The following RTBDN variants were observed in gnomAD, a reference collection of about 807,000 sequenced individuals.
The protein encoded by RTBDN is retbindin.
Under a neutral mutation model 21.9 loss-of-function variants are expected in RTBDN, and 24 were observed. The ratio of observed to expected loss-of-function variants is 1.10; its 90% confidence interval spans 0.79 to 1.54. The LOEUF is 1.54. Among genes scored for constraint, RTBDN ranks in the 40% most tolerant of loss-of-function variants. The pLI is 0.00. For synonymous variants in RTBDN, 141 were observed against 125.9 expected (o/e 1.12, Z -0.80); for missense variants, 325 against 315.2 (o/e 1.03, Z -0.23).
At chr19:12,835,078 C>T (rs1969709297), upstream of RTBDN, 1 of 1,612,488 alleles carries the variant, frequency 6.2e-7, no homozygotes, top group African/African-American at 1.3e-5. Context: ...GATTCAAACC[C>T]TCACCTAGGG....
chr19:12,826,511 TG>T (rs770374548), intron 5 of RTBDN: 42 of 817,644 alleles, frequency 5.1e-5, no homozygotes, highest in Non-Finnish European at 6.5e-5. Context: ...CTGGCCAACA[TG>T]GTGAAACGCT....
rs1205505199 is a variant in RTBDN, at chr19:12,825,920, C to T, written c.476G>A (p.Gly159Glu). The stretch of plus-strand genomic sequence containing the variant: ...CAGAGCCGAGCGACAAAGGTCCGTC[C>T]CGTCTGCGAAGGTCTAGGAAAAAGT... ...CLTYGQTFAD[G>E]TDLCRSALGH... Residue 159 changes from glycine to glutamate, a missense_variant, in exon 6 of 6, where the codon GGG becomes GAG. By Grantham distance (98) the Gly-to-Glu change is moderately conservative. Transcript: ENST00000674343. 3.8e-6 allele frequency: 6 copies of T among 1,590,224 alleles called. No individual in the cohort carries two copies. The highest frequency in any genetic ancestry group is 1.7e-5 in the Admixed American group (1 of 57,156).
At position 12,825,683 on chromosome 19, in the gene RTBDN, C is replaced by G; in HGVS notation, c.*23G>C. 1 of 1,548,628 alleles carries G rather than the reference C, an allele frequency of 6.5e-7. No individual in the cohort carries two copies. Among genetic ancestry groups the G allele is most frequent in the Non-Finnish European group, 8.7e-7 (1 of 1,147,324 alleles). ...GCGGGGCTGGGGGAAGGGTCGCTCC[C>G]CCAACTCAGGGCCACGCGTCCGCTA... On this transcript the variant is annotated 3_prime_UTR_variant, in exon 6 of 6. Coordinates refer to ENST00000674343, the MANE Select transcript of RTBDN (RefSeq NM_001270441.2).
At chr19:12,828,361 A>C (rs1268197115) in intron 4 of RTBDN, among the ~76,000 whole-genome samples, 2 of 151,802 alleles carry the variant, frequency 1.3e-5, no homozygotes, top group African/African-American at 4.8e-5. Context: ...GCACCACTGC[A>C]CTCCAGCCTA....
At chr19:12,829,096 T>G (rs1568398489) in intron 2 of RTBDN, 143 bp from the exon 3 acceptor site, 14 of 1,344,438 alleles carry the variant, frequency 1.0e-5, no homozygotes, top group Non-Finnish European at 9.9e-6. Context: ...TCCTTTGGAA[T>G]GCAAATGCAG....
Position 12,834,098 on chromosome 19 carries a change from A to T in RTBDN, c.-19+391T>A, listed in dbSNP as rs1276299194. On this transcript the variant is annotated intron_variant, in intron 1 of 5. Transcript: ENST00000674343. This position sits in a 1 kb window ranked among gnomAD's most constrained non-coding sequence, Gnocchi z 4.7. ...AGGCGGGAGAACTTGCACTAGGGTC[A>T]GCCGGGACGCCCCCACCCATAGGTT... The T allele has an allele frequency of 7.5e-6, 3 of 399,180 alleles. No homozygotes were observed. The East Asian group carries it at 1.1e-4, about 14-fold the overall frequency. The allele number at this position is 399,180 out of a possible 1,614,324, so 24.7% of individuals were successfully genotyped here.
At chr19:12,829,492 C>T (rs779729427) in intron 2 of RTBDN, among the ~76,000 whole-genome samples, 2 of 152,204 alleles carry the variant, frequency 1.3e-5, no homozygotes, top group Non-Finnish European at 2.9e-5. Flanking sequence ...CGTGAGCCAC[C>T]GAGCCCTGCT....
chr19:12,829,045 A>C (rs10423640), intron 2 of RTBDN, 92 bp from the exon 3 acceptor site: 73,812 of 1,558,544 alleles, frequency 0.047, 2,199 homozygotes, highest in African/African-American at 0.12. Context: ...AGGGGAGACA[A>C]CAATTACATC....
In RTBDN at chr19:12,828,649, T is replaced by G. The variant is rs775058703; in HGVS notation, c.365+8A>C. 1 of 1,606,650 alleles carries G rather than the reference T, an allele frequency of 6.2e-7. No homozygotes were observed. The highest frequency in any genetic ancestry group is 1.7e-5 in the Admixed American group (1 of 59,018). ...ACAACCCACGCCCCTTGCCCCCGCG[T>G]CTCCTACCAGGCCTGGCAGAGCTCC... On this transcript the variant is annotated splice_region_variant and intron_variant, in intron 4 of 5. Transcript: ENST00000674343.
intron 1 of RTBDN, among the ~76,000 whole-genome samples, chr19:12,833,551 G>A (rs778156349): frequency 6.6e-6 from 1 of 152,096 alleles, no homozygotes; most frequent in Non-Finnish European, 1.5e-5. Context: ...CACCAAGGGG[G>A]TCTCTGGGGG....
Sources: allele counts gnomAD v4.1 joint callset (sites outside exome capture counted in the v4.1 genomes callset), GRCh38; gene constraint gnomAD v4.1.1; non-coding constraint Gnocchi (gnomAD v3.1); transcripts MANE v1.5; gene names NCBI Gene and HGNC (gene_info 2026-07-23, HGNC 2026-07-21).